Variants in GRIK2 observed in about 807,000 individuals in gnomAD.
The protein encoded by GRIK2 is glutamate ionotropic receptor kainate type subunit 2.
In GRIK2, 32 loss-of-function variants were observed where a neutral mutation model predicts 100.3. The ratio of observed to expected loss-of-function variants is 0.32; its 90% CI spans 0.24 to 0.43. The LOEUF (loss-of-function observed/expected upper bound fraction) is 0.43, where lower values mean the gene tolerates loss of function less well. Among genes scored for constraint, GRIK2 ranks in the 20% least tolerant of loss-of-function variants. The probability of loss-of-function intolerance (pLI) is 1.00; values close to 1 mark genes in which losing one functional copy is unlikely to be tolerated. For missense variants in GRIK2, 843 were observed against 1,114.9 expected (o/e 0.76, Z 3.47); for synonymous variants, 417 against 389.4 (o/e 1.07, Z -0.83).
chr6:101,862,752 G>A (rs1784801178), intron 11 of GRIK2, among the ~76,000 whole-genome samples: 1 of 151,970 alleles, frequency 6.6e-6, no homozygotes, highest in African/African-American at 2.4e-5. Flanking sequence ...AATAAATTTT[G>A]TGGAAACTCA....
chr6:101,677,523 A>T (rs752568048), intron 5 of GRIK2, among the ~76,000 whole-genome samples: 25 of 152,164 alleles, frequency 1.6e-4, no homozygotes, highest in Non-Finnish European at 3.2e-4. Context: ...CTAACAGCAA[A>T]CTGGAAAACA....
chr6:101,945,720 T>C (rs952318289), intron 14 of GRIK2, among the ~76,000 whole-genome samples: 2 of 152,140 alleles, frequency 1.3e-5, no homozygotes, highest in Non-Finnish European at 2.9e-5. Flanking sequence ...AACAAATAAA[T>C]CAACATAACT....
intron 2 of GRIK2, among the ~76,000 whole-genome samples, chr6:101,540,317 T>A (rs752525773): frequency 1.4e-4 from 22 of 151,932 alleles, no homozygotes; most frequent in Non-Finnish European, 2.9e-4. Flanking sequence ...ATAAACATTA[T>A]AAGACCTAGT....
chr6:101,613,762 G>GAA (rs77889004), intron 2 of GRIK2, among the ~76,000 whole-genome samples: 13 of 107,220 alleles, frequency 1.2e-4, no homozygotes, highest in Non-Finnish European at 1.2e-4. Flanking sequence ...GCTGTGTTCA[G>GAA]AAAAAAAAAA....
intron 9 of GRIK2, among the ~76,000 whole-genome samples, chr6:101,808,515 A>T (rs9399733): frequency 0.21 from 31,244 of 151,898 alleles, 5,010 homozygotes; most frequent in East Asian, 0.65. Context: ...ATTCAAAATA[A>T]TTTTTATTGT....
intron 7 of GRIK2, among the ~76,000 whole-genome samples, chr6:101,738,266 CAATTGTAATTGTAATTGTCAATTGT>C (rs1335025167): frequency 5.1e-5 from 7 of 137,976 alleles, no homozygotes; most frequent in Admixed American, 1.4e-4. Context: ...TGTCAAATGT[CAATTGTAATTGTAATTGTCAATTGT>C]AATTGTAATT....
intron 7 of GRIK2, among the ~76,000 whole-genome samples, chr6:101,688,978 A>C (rs146580769): frequency 6.6e-6 from 1 of 152,000 alleles, no homozygotes; most frequent in Non-Finnish European, 1.5e-5. Flanking sequence ...AAAATAGCAT[A>C]TGGTTATTAA....
At chr6:101,647,487 C>T (rs1781585347) in intron 4 of GRIK2, among the ~76,000 whole-genome samples, 1 of 151,888 alleles carries the variant, frequency 6.6e-6, no homozygotes, top group South Asian at 2.1e-4. Flanking sequence ...TAGAAGTGCA[C>T]TTTAAGCCAA....
rs1582554644 is a variant in GRIK2 at position 101,928,402 on chromosome 6, C to T, written c.1868-13C>T. The T allele has an allele frequency of 1.5e-6, 2 of 1,368,794 alleles. No individual in the cohort carries two copies. Among genetic ancestry groups the T allele is most frequent in the African/African-American group, 2.8e-5 (2 of 70,256 alleles). The allele number at this position is 1,368,794 out of a possible 1,614,324, so 84.8% of individuals were successfully genotyped here. On this transcript the variant is annotated splice_polypyrimidine_tract_variant and intron_variant, in intron 13 of 16. Coordinates refer to ENST00000369134, the MANE Select transcript of GRIK2 (RefSeq NM_021956.5). ...CTCTATATTCGTTTCACCTTTCCCC[C>T]ACTCTCTGTTAGGTTCTGAGCTCAT...
chr6:102,026,659 C>T (rs1205144970), intron 14 of GRIK2, among the ~76,000 whole-genome samples: 2 of 151,148 alleles, frequency 1.3e-5, no homozygotes, highest in Non-Finnish European at 3.0e-5. Flanking sequence ...AACTTGCTGC[C>T]TATCCTATTA....
chr6:101,697,321 A>C (rs1030453256), intron 7 of GRIK2, among the ~76,000 whole-genome samples: 17 of 150,770 alleles, frequency 1.1e-4, no homozygotes, highest in African/African-American at 4.2e-4. Context: ...AAATCACTGT[A>C]GTAGATACTT....
At chr6:101,749,212 G>A (rs1776629118) in intron 7 of GRIK2, among the ~76,000 whole-genome samples, 2 of 152,096 alleles carry the variant, frequency 1.3e-5, no homozygotes, top group Admixed American at 1.3e-4. Context: ...GGGTTCAAGC[G>A]ATTCTCCGGC....
At chr6:101,545,411 T>C (rs528608839) in intron 2 of GRIK2, among the ~76,000 whole-genome samples, 22 of 152,316 alleles carry the variant, frequency 1.4e-4, no homozygotes, top group African/African-American at 5.1e-4. Flanking sequence ...CTAAAGTAGC[T>C]TATTTTAAGA....
intron 14 of GRIK2, among the ~76,000 whole-genome samples, chr6:101,959,373 A>T (rs1792141461): frequency 6.6e-6 from 1 of 152,102 alleles, no homozygotes; most frequent in South Asian, 2.1e-4. Flanking sequence ...TTGTATGCCT[A>T]GTGATACTCA....
intron 2 of GRIK2, among the ~76,000 whole-genome samples, chr6:101,488,220 A>T: frequency 6.8e-6 from 1 of 146,712 alleles, no homozygotes; most frequent in East Asian, 1.9e-4. Flanking sequence ...CTGTTATTAA[A>T]GAATATAAAG....
rs1383479722 is a variant in GRIK2 at position 101,480,454 on chromosome 6, A to T, written c.115+81062A>T. Among the ~76,000 whole-genome samples the T allele has an allele frequency of 4.7e-5, 7 of 148,400 alleles. 1 individual carries two copies. The highest frequency in any genetic ancestry group is 7.4e-5 in the Non-Finnish European group (5 of 67,286). ...CCTATCTTTCTCTTTTGTCAGGATT[A>T]AAAAAAAAATCTCATTTTTCTACTA... On this transcript the variant is annotated intron_variant, in intron 2 of 16. Coordinates refer to ENST00000369134, the MANE Select transcript of GRIK2 (RefSeq NM_021956.5).
chr6:101,849,489 TA>T (rs2128439024), intron 10 of GRIK2, among the ~76,000 whole-genome samples: 1 of 152,202 alleles, frequency 6.6e-6, no homozygotes, highest in South Asian at 2.1e-4. Flanking sequence ...CTGAAAAGCA[TA>T]ATTGTTCCAC....
intron 2 of GRIK2, among the ~76,000 whole-genome samples, chr6:101,513,912 A>C (rs1259434198): frequency 2.0e-5 from 3 of 152,196 alleles, no homozygotes; most frequent in Non-Finnish European, 4.4e-5. Context: ...ATGAAAGTGA[A>C]AGTTAGTACA....
intron 14 of GRIK2, among the ~76,000 whole-genome samples, chr6:102,014,312 T>G (rs550024729): frequency 6.6e-6 from 1 of 152,244 alleles, no homozygotes; most frequent in African/African-American, 2.4e-5. Flanking sequence ...TTTCTCATTG[T>G]GGCTATTTGG....
Sources: allele counts gnomAD v4.1 joint callset (sites outside exome capture counted in the v4.1 genomes callset), GRCh38; gene constraint gnomAD v4.1.1; transcripts MANE v1.5; gene names NCBI Gene and HGNC (gene_info 2026-07-23, HGNC 2026-07-21).